AEBP2: variants seen among roughly 807,000 people sequenced by gnomAD.
AEBP2 encodes the protein zinc finger protein AEBP2.
In AEBP2, 10 loss-of-function variants were observed where a neutral mutation model predicts 50.8. The observed-to-expected ratio is 0.20, with a 90% CI of 0.12 to 0.33. The LOEUF is 0.33. Ranked by LOEUF, AEBP2 falls within the 10% of genes least tolerant of loss-of-function variation. The pLI is 1.00. For synonymous variants in AEBP2, 296 were observed against 261.3 expected, an observed-to-expected ratio of 1.13 and a Z score of -1.28; for missense variants, 570 against 688.0, an observed-to-expected ratio of 0.83 and a Z score of 1.92.
rs747453190 is a variant in AEBP2, at chr12:19,462,729, C to G, written c.879+12C>G. On this transcript the variant is annotated intron_variant, in intron 2 of 7. Coordinates refer to ENST00000266508, the MANE Select transcript of AEBP2 (RefSeq NM_153207.5). ...GTCAGCGAGGAGGGGTTGGTTTTGTCATTTCTTTTTTTCGCTCCCTGTTTT... is the reference window on the plus strand; with the variant it reads ...GTCAGCGAGGAGGGGTTGGTTTTGTGATTTCTTTTTTTCGCTCCCTGTTTT... 6.4e-7 allele frequency: 1 copy of G among 1,567,068 alleles called. No homozygotes were observed. Among genetic ancestry groups the G allele is most frequent in the Non-Finnish European group, 8.7e-7 (1 of 1,150,100 alleles).
rs1402465958 is a variant in AEBP2 at position 19,519,343 on chromosome 12, G to A, written c.*1226G>A. 1 of 152,516 alleles carries A rather than the reference G, an allele frequency of 6.6e-6. No homozygotes were observed. The highest frequency in any genetic ancestry group is 2.1e-4 in the South Asian group (1 of 4,828). 9.4% of individuals were successfully genotyped at this position (152,516 alleles called of 1,614,324 possible). On this transcript the variant is annotated 3_prime_UTR_variant, in exon 8 of 8. Transcript: ENST00000266508. ...ATTGTACTTCACTAGTGCTGCCAGA[G>A]GAATTGTTAATAAAAGCACCTTCTT...
chr12:19,428,379 T>C (rs1474049824), intron 1 of AEBP2, among the ~76,000 whole-genome samples: 3 of 152,212 alleles, frequency 2.0e-5, no homozygotes, highest in Non-Finnish European at 4.4e-5. Context: ...CCTTCTCCAA[T>C]GTGGTGATGG....
At chr12:19,514,319 A>G (rs867533536) in intron 6 of AEBP2, among the ~76,000 whole-genome samples, 2 of 152,124 alleles carry the variant, frequency 1.3e-5, no homozygotes, top group East Asian at 1.9e-4. Flanking sequence ...CTCTCTTAGT[A>G]AAGAAACTTG....
At position 19,518,127 on chromosome 12, in the gene AEBP2, A is replaced by G; in HGVS notation, c.*10A>G. On this transcript the variant is annotated 3_prime_UTR_variant, in exon 8 of 8. Transcript: ENST00000266508. ...GAGGTTGAAGAGGTAAAAAATAAATAAATACATAAAAAGCAAACAAGCGGG... is the reference window on the plus strand; with the variant it reads ...GAGGTTGAAGAGGTAAAAAATAAATGAATACATAAAAAGCAAACAAGCGGG... 6.3e-7 allele frequency: 1 copy of G among 1,593,208 alleles called. No individual in the cohort carries two copies. The highest frequency in any genetic ancestry group is 8.6e-7 in the Non-Finnish European group (1 of 1,169,466).
chr12:19,478,440 G>A (rs1308541042), intron 3 of AEBP2, among the ~76,000 whole-genome samples: 1 of 152,058 alleles, frequency 6.6e-6, no homozygotes, highest in Non-Finnish European at 1.5e-5. Context: ...GAGATTACAG[G>A]TGTGGGCCAC....
chr12:19,451,154 A>G (rs1948160711), intron 1 of AEBP2, among the ~76,000 whole-genome samples: 1 of 152,182 alleles, frequency 6.6e-6, no homozygotes, highest in African/African-American at 2.4e-5. Context: ...GCCCTTTTCC[A>G]ACATTTAGTA....
intron 5 of AEBP2, among the ~76,000 whole-genome samples, chr12:19,508,629 A>C (rs1049084386): frequency 2.6e-5 from 4 of 152,180 alleles, no homozygotes; most frequent in Admixed American, 6.5e-5. Flanking sequence ...TGAAAGGAAA[A>C]TATATTGCTT....
chr12:19,492,214 CTG>C (rs1185672634), intron 3 of AEBP2, among the ~76,000 whole-genome samples: 1 of 152,128 alleles, frequency 6.6e-6, no homozygotes, highest in African/African-American at 2.4e-5. Flanking sequence ...ATCCATCCAA[CTG>C]TGGATATTTT....
At chr12:19,492,192 G>A (rs1446162007) in intron 3 of AEBP2, among the ~76,000 whole-genome samples, 2 of 152,152 alleles carry the variant, frequency 1.3e-5, no homozygotes, top group East Asian at 3.8e-4. Context: ...AATGACTAAT[G>A]GAAAAGTCAT....
At chr12:19,426,270 G>C (rs1007812589) in intron 1 of AEBP2, among the ~76,000 whole-genome samples, 7 of 152,116 alleles carry the variant, frequency 4.6e-5, no homozygotes, top group African/African-American at 1.7e-4. Context: ...ATGGTGACTA[G>C]AGGGCACATG....
chr12:19,466,727 A>T, intron 2 of AEBP2: 2 of 900,648 alleles, frequency 2.2e-6, no homozygotes, highest in Non-Finnish European at 2.7e-6. Flanking sequence ...TAGATTTCTT[A>T]TTTCTTCTTT....
intron 2 of AEBP2, among the ~76,000 whole-genome samples, chr12:19,463,750 C>T (rs529454183): frequency 5.5e-5 from 8 of 146,702 alleles, no homozygotes; most frequent in South Asian, 2.2e-4. Flanking sequence ...CTCAGCTCAC[C>T]GCAGCCTCTG....
At chr12:19,460,448 A>C (rs1297743166) in intron 1 of AEBP2, among the ~76,000 whole-genome samples, 1 of 151,818 alleles carries the variant, frequency 6.6e-6, no homozygotes, top group Non-Finnish European at 1.5e-5. Flanking sequence ...TCCTCCTCCC[A>C]GGTTCAAGCA....
chr12:19,430,928 C>T (rs1262751065), intron 1 of AEBP2, among the ~76,000 whole-genome samples: 4 of 148,950 alleles, frequency 2.7e-5, no homozygotes, highest in South Asian at 2.1e-4. Flanking sequence ...GAGGCTGGGG[C>T]AGAAGGATAG....
intron 5 of AEBP2, among the ~76,000 whole-genome samples, chr12:19,502,969 A>G (rs552563674): frequency 3.4e-4 from 52 of 152,138 alleles, no homozygotes; most frequent in Non-Finnish European, 6.9e-4. Context: ...TTTTGTACCA[A>G]TGCTGCACTG....
intron 3 of AEBP2, among the ~76,000 whole-genome samples, chr12:19,486,247 TCACTC>T (rs1046851065): frequency 6.6e-6 from 1 of 152,174 alleles, no homozygotes; most frequent in Non-Finnish European, 1.5e-5. Context: ...GGCTTTTTGT[TCACTC>T]AACAAAATAT....
intron 1 of AEBP2, chr12:19,440,783 G>A: frequency 2.6e-6 from 4 of 1,531,586 alleles, no homozygotes; most frequent in Middle Eastern, 2.2e-4. Flanking sequence ...ATTGACAAGT[G>A]TTTCCAATAT....
intron 5 of AEBP2, among the ~76,000 whole-genome samples, chr12:19,504,201 A>G (rs1949122657): frequency 6.6e-6 from 1 of 151,438 alleles, no homozygotes; most frequent in Non-Finnish European, 1.5e-5. Flanking sequence ...GGAACTAAAA[A>G]GGTTGTATTG....
At position 19,518,398 on chromosome 12, in the gene AEBP2, C is replaced by A. The variant is rs1383700873; in HGVS notation, c.*281C>A. 1 of 1,229,106 alleles carries A rather than the reference C, an allele frequency of 8.1e-7. No individual in the cohort carries two copies. The highest frequency in any genetic ancestry group is 1.6e-5 in the African/African-American group (1 of 64,432). 76.1% of individuals were successfully genotyped at this position (1,229,106 alleles called of 1,614,324 possible). A position where few individuals can be genotyped will look rare whatever the true frequency, so the allele number is the denominator to read the frequency against. ...ACACTCTTTTGGCAACTTAGTAGAA[C>A]AGCTTCTTAAAGGCTTTGCATGCTT... On this transcript the variant is annotated 3_prime_UTR_variant, in exon 8 of 8. Coordinates refer to ENST00000266508, the MANE Select transcript of AEBP2 (RefSeq NM_153207.5).
Sources: gnomAD v4.1 joint callset for allele counts (sites outside exome capture counted in the v4.1 genomes callset) on GRCh38, gnomAD v4.1.1 for gene constraint, MANE v1.5 for transcripts, NCBI Gene and HGNC (gene_info 2026-07-23, HGNC 2026-07-21) for gene names.